Variants in MROH2A observed in about 807,000 individuals in gnomAD.
The protein encoded by MROH2A is maestro heat like repeat family member 2A.
MROH2A carries 174 observed loss-of-function variants against 200.4 expected under a neutral mutation model. That is an observed-to-expected ratio of 0.87 (90% confidence interval 0.77 to 0.98). The LOEUF is 0.98. Ranked by LOEUF, MROH2A falls within the 50% of genes least tolerant of loss-of-function variation. The probability of loss-of-function intolerance (pLI) is 0.00; values close to 1 mark genes in which losing one functional copy is unlikely to be tolerated. For missense variants in MROH2A, 2,045 were observed against 2,139.6 expected (o/e 0.96, Z 0.87); for synonymous variants, 829 against 840.4 (o/e 0.99, Z 0.23).
At chr2:233,783,077 C>T (rs148871290) in intron 3 of MROH2A, among the ~76,000 whole-genome samples, 10 of 152,218 alleles carry the variant, frequency 6.6e-5, no homozygotes, top group African/African-American at 1.7e-4. Context: ...CACTTGATCA[C>T]GGTGAATGAT....
chr2:233,802,602 A>G (rs1378406945), intron 15 of MROH2A: 4 of 325,632 alleles, frequency 1.2e-5, no homozygotes, highest in Admixed American at 4.1e-5. Context: ...CTCCTGGCCC[A>G]GCCTTTCCCA....
intron 28 of MROH2A, 32 bp downstream of exon 28, chr2:233,818,157 C>T (rs529453595): frequency 1.3e-6 from 2 of 1,548,042 alleles, no homozygotes; most frequent in African/African-American, 2.7e-5. Flanking sequence ...GGACCAGCTC[C>T]TCTGGGAGGG....
intron 15 of MROH2A, among the ~76,000 whole-genome samples, chr2:233,803,139 G>A (rs941306404): frequency 1.3e-5 from 2 of 152,202 alleles, no homozygotes; most frequent in African/African-American, 4.8e-5. Flanking sequence ...AGAGGATGGG[G>A]TTCACAGTAG....
intron 5 of MROH2A, among the ~76,000 whole-genome samples, chr2:233,791,644 C>A (rs1405159581): frequency 6.6e-6 from 1 of 152,060 alleles, no homozygotes; most frequent in Non-Finnish European, 1.5e-5. Flanking sequence ...AGGACCCAGC[C>A]CGGAGGGGTC....
chr2:233,814,579 T>C lies in MROH2A; in HGVS notation c.2761-3T>C. 1.9e-6 allele frequency: 3 copies of C among 1,549,810 alleles called. No homozygotes were observed. Among genetic ancestry groups the C allele is most frequent in the Non-Finnish European group, 2.6e-6 (3 of 1,146,468 alleles). On this transcript the variant is annotated splice_region_variant and splice_polypyrimidine_tract_variant and intron_variant, in intron 25 of 41. Transcript: ENST00000389758. ...CCTATCTCTCTCTCCCTCTTGGCTG[T>C]AGACCCTGTATGCAAATGCCCTGAG...
At position 233,824,027 on chromosome 2, in the gene MROH2A, A is replaced by G. The variant is rs1704139983; in HGVS notation, c.4113+363A>G. ...CTAGGTGGGAAGGCAGGGCCCAGCG[A>G]CCCTATCTCAGAGTGAGTGTTGGAG... On this transcript the variant is annotated intron_variant, in intron 35 of 41. Coordinates refer to ENST00000389758, the MANE Select transcript of MROH2A (RefSeq NM_001394639.1). Among the ~76,000 whole-genome samples, 3 of 152,044 alleles carry G rather than the reference A, an allele frequency of 2.0e-5. No individual in the cohort carries two copies. In the South Asian group the frequency reaches 6.2e-4, roughly 32 times the overall value.
chr2:233,823,034 C>G lies in MROH2A; in HGVS notation c.4004+16C>G. ...TGCTGGCCAGGTGGGCCCTGGCTCC[C>G]ACAGGGTGGCAGGGGGACCTGCAGA... On this transcript the variant is annotated intron_variant, in intron 34 of 41. Coordinates refer to ENST00000389758, the MANE Select transcript of MROH2A (RefSeq NM_001394639.1). 2 of 1,549,530 alleles carry G rather than the reference C, an allele frequency of 1.3e-6. No homozygotes were observed. The highest frequency in any genetic ancestry group is 1.7e-6 in the Non-Finnish European group (2 of 1,146,770).
intron 6 of MROH2A, among the ~76,000 whole-genome samples, chr2:233,793,460 G>T (rs1701909492): frequency 6.6e-6 from 1 of 152,204 alleles, no homozygotes; most frequent in Non-Finnish European, 1.5e-5. Flanking sequence ...GTCCTTGAAG[G>T]AGAGGGACCC....
At chr2:233,832,743 GCT>G in intron 41 of MROH2A, 99 bp downstream of exon 41, 1 of 710,228 alleles carries the variant, frequency 1.4e-6, no homozygotes, top group Non-Finnish European at 2.4e-6. Flanking sequence ...AGGACCCTTT[GCT>G]GTGGGGTTTC....
chr2:233,788,360 C>T (rs1701504732), intron 3 of MROH2A, among the ~76,000 whole-genome samples: 1 of 150,098 alleles, frequency 6.7e-6, no homozygotes, highest in Admixed American at 6.7e-5. Context: ...AAGGCCACAT[C>T]ATTAATTTCT....
rs951983888 is a variant in MROH2A at position 233,823,834 on chromosome 2, T to C, written c.4113+170T>C. ...CTCCTTCATTCATTCATCACATGAGTAGTGCAGGGCAGGCCCTGCTGGAAA... is the reference window on the plus strand; with the variant it reads ...CTCCTTCATTCATTCATCACATGAGCAGTGCAGGGCAGGCCCTGCTGGAAA... On this transcript the variant is annotated intron_variant, in intron 35 of 41. Transcript: ENST00000389758. Among the ~76,000 whole-genome samples the C allele has an allele frequency of 5.9e-5, 9 of 152,124 alleles. No homozygotes were observed. The South Asian group carries it at 1.7e-3, about 28-fold the overall frequency.
intron 13 of MROH2A, 74 bp downstream of exon 13, chr2:233,799,973 G>A: frequency 6.5e-7 from 1 of 1,532,238 alleles, no homozygotes; most frequent in South Asian, 1.2e-5. Context: ...AGGGGAGAAT[G>A]CCACTCAGCG....
In MROH2A at chr2:233,809,145, G is replaced by A. The variant is rs1437814213; in HGVS notation, c.2315G>A (p.Arg772Gln). 1.9e-5 allele frequency: 30 copies of A among 1,549,962 alleles called. No homozygotes were observed. Among genetic ancestry groups the A allele is most frequent in the Non-Finnish European group, 2.3e-5 (26 of 1,146,536 alleles). The change falls in exon 22 of 42, where the codon CGG becomes CAG. Residue 772 changes from arginine to glutamine, a missense_variant. Around this residue, in one of 3 missense-constraint regions of MROH2A, gnomAD observed 1,201 missense variants for 1,311.3 expected, o/e 0.92. Transcript: ENST00000389758. ...TCGTAGAAGGACCATCCCTGGAGGC[G>A]GGAGACAGTGAAAAGTGCCCTCATG... ...SAWRKDHPWR[R>Q]ETVKSALMVM... is the part of the protein sequence containing the mutation.
intron 3 of MROH2A, among the ~76,000 whole-genome samples, chr2:233,782,904 T>G (rs181413834): frequency 6.3e-4 from 96 of 151,780 alleles, no homozygotes; most frequent in African/African-American, 2.2e-3. Flanking sequence ...CCCAGCTTGT[T>G]GAGTTTTTAA....
chr2:233,783,314 G>A (rs1701035552), intron 3 of MROH2A, among the ~76,000 whole-genome samples: 1 of 152,014 alleles, frequency 6.6e-6, no homozygotes, highest in Non-Finnish European at 1.5e-5. Context: ...TTTATTTAAT[G>A]TTTGGTAGAA....
intron 9 of MROH2A, 41 bp downstream of exon 9, chr2:233,795,786 G>A (rs1408656914): frequency 6.4e-7 from 1 of 1,550,754 alleles, no homozygotes; most frequent in Non-Finnish European, 8.7e-7. Flanking sequence ...CATTCTCTGG[G>A]TGGATCAGCA....
In MROH2A at chr2:233,823,019, G is replaced by C. The variant is rs1235078752; in HGVS notation, c.4004+1G>C. The C allele has an allele frequency of 3.2e-6, 5 of 1,550,066 alleles. No homozygotes were observed. Among genetic ancestry groups the C allele is most frequent in the Non-Finnish European group, 3.5e-6 (4 of 1,146,906 alleles). On this transcript the variant is annotated splice_donor_variant, in intron 34 of 41. Coordinates refer to ENST00000389758, the MANE Select transcript of MROH2A (RefSeq NM_001394639.1). LOFTEE classifies it high-confidence loss of function. ...TGGAGGGTGTGAGCCTGCTGGCCAGGTGGGCCCTGGCTCCCACAGGGTGGC... is the reference window on the plus strand; with the variant it reads ...TGGAGGGTGTGAGCCTGCTGGCCAGCTGGGCCCTGGCTCCCACAGGGTGGC...
At chr2:233,813,353 C>A (rs143299893) in intron 24 of MROH2A, among the ~76,000 whole-genome samples, 1 of 152,336 alleles carries the variant, frequency 6.6e-6, no homozygotes, top group African/African-American at 2.4e-5. Flanking sequence ...CCAGGGAGGG[C>A]AGATTCCATA....
chr2:233,803,604 A>T, intron 16 of MROH2A, 116 bp downstream of exon 16: 1 of 1,100,546 alleles, frequency 9.1e-7, no homozygotes, highest in Non-Finnish European at 1.3e-6. Context: ...AGGTGCAATG[A>T]GGGAGTTTGA....
Sources: allele counts gnomAD v4.1 joint callset (sites outside exome capture counted in the v4.1 genomes callset), GRCh38; gene constraint gnomAD v4.1.1; regional missense constraint gnomAD v4.1.1; transcripts MANE v1.5; gene names NCBI Gene and HGNC (gene_info 2026-07-23, HGNC 2026-07-21).